The following FHIT variants were observed in gnomAD, a reference collection of about 807,000 sequenced individuals.
The protein encoded by FHIT is fragile histidine triad diadenosine triphosphatase, also known as bis(5'-adenosyl)-triphosphatase.
Under a neutral mutation model 17.9 loss-of-function variants are expected in FHIT, and 19 were observed. The observed-to-expected ratio is 1.06, with a 90% CI of 0.74 to 1.56. FHIT has a LOEUF of 1.56. Ranked by LOEUF, FHIT falls within the 40% of genes most tolerant of loss-of-function variation. The pLI, the probability that FHIT is intolerant of heterozygous loss-of-function variation, is 0.00. For missense variants in FHIT, 248 were observed against 189.2 expected (o/e 1.31, Z -1.82); for synonymous variants, 81 against 69.7 (o/e 1.16, Z -0.81).
chr3:60,222,814 C>T (rs9839118), intron 5 of FHIT, among the ~76,000 whole-genome samples: 9,520 of 152,072 alleles, frequency 0.063, 441 homozygotes, highest in African/African-American at 0.13. Flanking sequence ...GGCAGGAGAA[C>T]TGCTTGAACT....
chr3:60,366,480 C>A (rs1416291228), intron 5 of FHIT, among the ~76,000 whole-genome samples: 2 of 152,122 alleles, frequency 1.3e-5, no homozygotes, highest in Non-Finnish European at 2.9e-5. Flanking sequence ...TTTGAATATC[C>A]CCTCCAAAAT....
intron 8 of FHIT, among the ~76,000 whole-genome samples, chr3:59,893,445 T>C (rs1232449866): frequency 1.3e-5 from 2 of 152,218 alleles, no homozygotes; most frequent in East Asian, 3.8e-4. Flanking sequence ...TGGATTTATA[T>C]GCTCTAATAT....
intron 3 of FHIT, among the ~76,000 whole-genome samples, chr3:60,864,775 A>AG (rs1704084508): frequency 6.6e-6 from 1 of 152,180 alleles, no homozygotes; most frequent in Non-Finnish European, 1.5e-5. Flanking sequence ...AGGGGATATT[A>AG]GTGGACACTC....
At chr3:60,993,744 A>C (rs954536422) in intron 3 of FHIT, among the ~76,000 whole-genome samples, 1 of 152,256 alleles carries the variant, frequency 6.6e-6, no homozygotes, top group South Asian at 2.1e-4. Flanking sequence ...ATTCATTCCA[A>C]AACTCTTTTT....
At chr3:60,462,080 G>A (rs2032509660) in intron 5 of FHIT, among the ~76,000 whole-genome samples, 1 of 152,170 alleles carries the variant, frequency 6.6e-6, no homozygotes, top group African/African-American at 2.4e-5. Context: ...CAGTGAGTGA[G>A]GCATTTCAGC....
At chr3:59,770,844 C>T (rs4679607) in intron 8 of FHIT, among the ~76,000 whole-genome samples, 1 of 152,020 alleles carries the variant, frequency 6.6e-6, no homozygotes, top group African/African-American at 2.4e-5. Context: ...GACTCCCATG[C>T]TCAACCCTTG....
At chr3:60,194,100 G>C (rs371385302) in intron 5 of FHIT, among the ~76,000 whole-genome samples, 6 of 151,926 alleles carry the variant, frequency 3.9e-5, no homozygotes, top group Non-Finnish European at 8.8e-5. Flanking sequence ...CCTAAAGTTC[G>C]CATATGGAAC....
intron 7 of FHIT, among the ~76,000 whole-genome samples, chr3:59,984,998 T>A (rs1476125994): frequency 6.6e-6 from 1 of 152,050 alleles, no homozygotes; most frequent in African/African-American, 2.4e-5. Context: ...AAATGGAATC[T>A]CAGATAGGTA....
At chr3:60,103,876 C>T (rs961885945) in intron 5 of FHIT, among the ~76,000 whole-genome samples, 3 of 152,190 alleles carry the variant, frequency 2.0e-5, no homozygotes, top group African/African-American at 7.2e-5. Flanking sequence ...AATTACATGT[C>T]GCTTGTGCAT....
intron 5 of FHIT, among the ~76,000 whole-genome samples, chr3:60,070,309 T>C (rs1276220280): frequency 6.6e-6 from 1 of 152,228 alleles, no homozygotes; most frequent in Non-Finnish European, 1.5e-5. Context: ...TCACCATCAT[T>C]GAAGCCACGG....
chr3:60,592,285 T>C (rs536895619), intron 4 of FHIT, among the ~76,000 whole-genome samples: 1 of 147,514 alleles, frequency 6.8e-6, no homozygotes, highest in African/African-American at 2.5e-5. Flanking sequence ...TATATATATA[T>C]AAAATCATAG....
chr3:60,915,060 T>C (rs1413608174), intron 3 of FHIT, among the ~76,000 whole-genome samples: 1 of 152,236 alleles, frequency 6.6e-6, no homozygotes, highest in Non-Finnish European at 1.5e-5. Flanking sequence ...CTTGTTTTTT[T>C]ACAGATTCAT....
chr3:60,312,001 T>C (rs1708969857), intron 5 of FHIT, among the ~76,000 whole-genome samples: 1 of 152,186 alleles, frequency 6.6e-6, no homozygotes, highest in Admixed American at 6.5e-5. Flanking sequence ...ATCAATTTAG[T>C]GGGCCGTGAC....
rs187391938 is a variant in FHIT at position 61,142,513 on chromosome 3, C to A, written c.-164+58104G>T. ...CTAACCTGCTGTGATCACCTTACCT[C>A]CTCTTTTAAATGAGTGGGCTGGAAG... On this transcript the variant is annotated intron_variant, in intron 2 of 9. Coordinates refer to ENST00000492590, the MANE Select transcript of FHIT (RefSeq NM_002012.4). Among the ~76,000 whole-genome samples the A allele has an allele frequency of 3.9e-4, 57 of 144,524 alleles. 1 individual carries two copies. The highest frequency in any genetic ancestry group is 1.3e-3 in the African/African-American group (55 of 41,060). The allele number at this position is 144,524 out of a possible 152,430, so 94.8% of individuals were successfully genotyped here.
intron 4 of FHIT, among the ~76,000 whole-genome samples, chr3:60,780,839 C>T (rs1179813381): frequency 6.6e-6 from 1 of 152,162 alleles, no homozygotes; most frequent in Non-Finnish European, 1.5e-5. Context: ...ACCATGTTTG[C>T]ACTGGGGAGG....
At chr3:60,139,456 G>T (rs558822396) in intron 5 of FHIT, among the ~76,000 whole-genome samples, 61 of 152,274 alleles carry the variant, frequency 4.0e-4, no homozygotes, top group African/African-American at 1.3e-3. Context: ...GGAGAGGCAA[G>T]AAAAGGCCAG....
chr3:60,163,153 T>G (rs1416691177), intron 5 of FHIT, among the ~76,000 whole-genome samples: 1 of 152,110 alleles, frequency 6.6e-6, no homozygotes, highest in East Asian at 1.9e-4. Context: ...CGTAAGATGT[T>G]CCTAACCTGG....
At chr3:59,837,156 TAGTCCTGGAGTATAGAA>T (rs1263273824) in intron 8 of FHIT, among the ~76,000 whole-genome samples, 1 of 152,110 alleles carries the variant, frequency 6.6e-6, no homozygotes, top group Non-Finnish European at 1.5e-5. Context: ...AATGGCTGAG[TAGTCCTGGAGTATAGAA>T]GCCTGATTAA....
At chr3:60,450,401 T>C (rs1365659982) in intron 5 of FHIT, among the ~76,000 whole-genome samples, 1 of 152,064 alleles carries the variant, frequency 6.6e-6, no homozygotes, top group Non-Finnish European at 1.5e-5. Context: ...GATATAAATA[T>C]GTATATATAT....
Sources: allele counts gnomAD v4.1 joint callset (sites outside exome capture counted in the v4.1 genomes callset), GRCh38; gene constraint gnomAD v4.1.1; transcripts MANE v1.5; gene names NCBI Gene and HGNC (gene_info 2026-07-23, HGNC 2026-07-21).